The following TRIM66 variants were observed in gnomAD, a reference collection of about 807,000 sequenced individuals.
TRIM66 encodes tripartite motif-containing protein 66.
In TRIM66, 99 loss-of-function variants were observed where a neutral mutation model predicts 148.2. The ratio of observed to expected loss-of-function variants is 0.67; its 90% CI spans 0.57 to 0.79. The LOEUF is 0.79. Among genes scored for constraint, TRIM66 ranks in the 30% least tolerant of loss-of-function variants. The pLI, the probability that TRIM66 is intolerant of heterozygous loss-of-function variation, is 0.00. For synonymous variants in TRIM66, 616 were observed against 635.9 expected (o/e 0.97, Z 0.47); for missense variants, 1,666 against 1,697.9 (o/e 0.98, Z 0.33).
chr11:8,682,892 T>C (rs1255545906), upstream of TRIM66: 1 of 1,520,808 alleles, frequency 6.6e-7, no homozygotes, highest in Non-Finnish European at 8.9e-7. Context: ...CCCCTAGTCA[T>C]CCACTCCCTA....
At chr11:8,642,059 T>C (rs1244450121) in intron 13 of TRIM66, among the ~76,000 whole-genome samples, 2 of 152,186 alleles carry the variant, frequency 1.3e-5, no homozygotes, top group African/African-American at 4.8e-5. Flanking sequence ...AATGGACTAA[T>C]ACACCAGGTC....
intron 10 of TRIM66, 73 bp downstream of exon 10, chr11:8,647,897 G>C (rs555985611): frequency 8.6e-7 from 1 of 1,168,432 alleles, no homozygotes; most frequent in African/African-American, 1.5e-5. Flanking sequence ...TACATCTGAC[G>C]GCCTGGTGTT....
At chr11:8,666,341 GAA>G (rs558326812) in intron 6 of TRIM66, among the ~76,000 whole-genome samples, 1,735 of 23,076 alleles carry the variant, frequency 0.075, 4 homozygotes, top group African/African-American at 0.16. Flanking sequence ...CTCCGCCTCA[GAA>G]AAAAAAAAAA....
Position 8,616,667 on chromosome 11 carries a change from A to G in TRIM66, c.*1277T>C, listed in dbSNP as rs1156890320. 6.6e-6 allele frequency: 1 copy of G among 152,184 alleles called. No individual in the cohort carries two copies. The highest frequency in any genetic ancestry group is 1.5e-5 in the Non-Finnish European group (1 of 68,038). 9.4% of individuals were successfully genotyped at this position (152,184 alleles called of 1,614,324 possible). On this transcript the variant is annotated 3_prime_UTR_variant, in exon 25 of 25. Transcript: ENST00000646038. ...TTCTCTCTGCATTCTAGGAGAACTAAGGCTCTGAGGTTGCTTCATGGTCAC... is the reference window on the plus strand; with the variant it reads ...TTCTCTCTGCATTCTAGGAGAACTAGGGCTCTGAGGTTGCTTCATGGTCAC...
At position 8,682,594 on chromosome 11, in the gene TRIM66, G is replaced by A; in HGVS notation, c.-548+7C>T. ...TCGCCCTCCGAGCCTAGCACAACGA[G>A]CCTCACCGAAACCGTACACCGCCAC... is the stretch of plus-strand genomic sequence containing the variant. On this transcript the variant is annotated splice_region_variant and intron_variant, in intron 1 of 24. Transcript: ENST00000646038. The A allele has an allele frequency of 4.9e-6, 3 of 607,600 alleles. No homozygotes were observed. Among genetic ancestry groups the A allele is most frequent in the Middle Eastern group, 4.1e-4 (1 of 2,466 alleles). 37.6% of individuals were successfully genotyped at this position (607,600 alleles called of 1,614,324 possible).
At chr11:8,671,595 A>G (rs1038377571) in intron 6 of TRIM66, 191 bp downstream of exon 6, 1 of 570,016 alleles carries the variant, frequency 1.8e-6, no homozygotes, top group Non-Finnish European at 3.1e-6. Flanking sequence ...GTTCCAGCTT[A>G]CAAAACAGAT....
Position 8,638,802 on chromosome 11 carries a change from GGCTCATCTGTA to G in TRIM66, c.2151_2161del (p.Thr718ProfsTer13). Reference sequence around the variant, plus strand: ...CGGCTTTGAGCCCTGAGATGCTGGGGGCTCATCTGTAGCCTGGAGAAGAAAATAAGAACTTG... The same window carrying G: ...CGGCTTTGAGCCCTGAGATGCTGGGGGCCTGGAGAAGAAAATAAGAACTTG... On this transcript the variant is annotated frameshift_variant and splice_region_variant, in exon 15 of 25. Coordinates refer to ENST00000646038, the MANE Select transcript of TRIM66 (RefSeq NM_001388022.1). LOFTEE classifies it high-confidence loss of function. 2 of 1,551,298 alleles carry G rather than the reference GGCTCATCTGTA, an allele frequency of 1.3e-6. No individual in the cohort carries two copies. The highest frequency in any genetic ancestry group is 1.7e-6 in the Non-Finnish European group (2 of 1,146,876).
chr11:8,669,689 A>G (rs1442223277), intron 6 of TRIM66, among the ~76,000 whole-genome samples: 1 of 151,382 alleles, frequency 6.6e-6, no homozygotes, highest in East Asian at 1.9e-4. Flanking sequence ...CACAACCCCT[A>G]GTGGCAGCCA....
chr11:8,666,570 C>A (rs889189912), intron 6 of TRIM66, among the ~76,000 whole-genome samples: 1 of 151,812 alleles, frequency 6.6e-6, no homozygotes, highest in South Asian at 2.1e-4. Flanking sequence ...ATGTATATGT[C>A]CTCATTTCAT....
chr11:8,625,835 G>T (rs1480246016), intron 15 of TRIM66, among the ~76,000 whole-genome samples: 4 of 152,202 alleles, frequency 2.6e-5, no homozygotes, highest in Non-Finnish European at 5.9e-5. Context: ...TGGGTCAACT[G>T]CAGGGCCTTC....
At chr11:8,638,459 G>T (rs1342696074) in intron 15 of TRIM66, among the ~76,000 whole-genome samples, 195 bp downstream of exon 15, 2 of 152,178 alleles carry the variant, frequency 1.3e-5, no homozygotes, top group East Asian at 1.9e-4. Context: ...AAGTGTGCGT[G>T]GGGGAGTGGA....
chr11:8,632,404 T>C (rs895440781), intron 15 of TRIM66, among the ~76,000 whole-genome samples: 1 of 151,254 alleles, frequency 6.6e-6, no homozygotes, highest in Non-Finnish European at 1.5e-5. Flanking sequence ...CAGAATCAGA[T>C]GGCTGAGGAA....
intron 6 of TRIM66, among the ~76,000 whole-genome samples, chr11:8,668,590 AT>A (rs371926410): frequency 0.074 from 10,556 of 143,524 alleles, 384 homozygotes; most frequent in African/African-American, 0.077. Context: ...ATTTTTATTT[AT>A]TTTTTTTTTT....
chr11:8,622,712 T>C, intron 18 of TRIM66, 104 bp downstream of exon 18: 2 of 1,113,264 alleles, frequency 1.8e-6, no homozygotes, highest in Non-Finnish European at 1.3e-6. Context: ...TGCAGGCAAA[T>C]TTCTTCCACT....
intron 10 of TRIM66, among the ~76,000 whole-genome samples, chr11:8,647,434 G>A (rs1360082613): frequency 2.5e-5 from 1 of 39,240 alleles, no homozygotes; most frequent in Non-Finnish European, 7.7e-5. Context: ...GGAGAAAATC[G>A]CTAACTGAAA....
At chr11:8,619,072 T>C in intron 23 of TRIM66, 104 bp from the exon 24 acceptor site, 1 of 1,060,332 alleles carries the variant, frequency 9.4e-7, no homozygotes, top group South Asian at 1.6e-5. Context: ...CGGGGTGTCC[T>C]GAGGTGTCTG....
intron 11 of TRIM66, 25 bp from the exon 12 acceptor site, chr11:8,645,912 C>T: frequency 6.5e-7 from 1 of 1,549,660 alleles, no homozygotes; most frequent in South Asian, 1.2e-5. Context: ...AAGACAGAGT[C>T]CTTGATCCTG....
chr11:8,619,650 G>A (rs763966111), intron 22 of TRIM66, 115 bp from the exon 23 acceptor site: 193 of 1,048,348 alleles, frequency 1.8e-4, no homozygotes, highest in Non-Finnish European at 2.5e-4. Context: ...GAAAGAATAG[G>A]AAGAGGAATG....
intron 17 of TRIM66, among the ~76,000 whole-genome samples, chr11:8,623,328 T>G (rs184569421): frequency 5.0e-4 from 76 of 152,304 alleles, no homozygotes; most frequent in African/African-American, 1.7e-3. Context: ...AGTTCTCCCC[T>G]GAGTATGCAG....
Sources: gnomAD v4.1 joint callset for allele counts (sites outside exome capture counted in the v4.1 genomes callset) on GRCh38, gnomAD v4.1.1 for gene constraint, MANE v1.5 for transcripts, NCBI Gene and HGNC (gene_info 2026-07-23, HGNC 2026-07-21) for gene names.